The following BCAP29 variants were observed in gnomAD, a reference collection of about 807,000 sequenced individuals.
BCAP29 encodes B cell receptor associated protein 29, also known as B-cell receptor-associated protein 29.
Under a neutral mutation model 31.8 loss-of-function variants are expected in BCAP29, and 34 were observed. That is an observed-to-expected ratio of 1.07 (90% confidence interval 0.81 to 1.42). The LOEUF is 1.42. Ranked by LOEUF, BCAP29 falls within the 40% of genes most tolerant of loss-of-function variation. The probability of loss-of-function intolerance (pLI) is 0.00; values close to 1 mark genes in which losing one functional copy is unlikely to be tolerated. For missense variants in BCAP29, 314 were observed against 269.2 expected (o/e 1.17, Z -1.16); for synonymous variants, 104 against 91.3 (o/e 1.14, Z -0.79).
chr7:107,580,502 C>T, intron 1 of BCAP29: 1 of 393,552 alleles, frequency 2.5e-6, no homozygotes, highest in Non-Finnish European at 4.5e-6. Context: ...AGGCGTTGGG[C>T]TTCTGTCGCC....
Position 107,585,200 on chromosome 7 carries a change from T to C in BCAP29, c.193+1218T>C, listed in dbSNP as rs904889838. Among the ~76,000 whole-genome samples the C allele has an allele frequency of 5.3e-5, 8 of 152,338 alleles. No homozygotes were observed. In the South Asian group the frequency reaches 6.2e-4, roughly 12 times the overall value. On this transcript the variant is annotated intron_variant, in intron 3 of 7. Coordinates refer to ENST00000005259, the MANE Select transcript of BCAP29 (RefSeq NM_018844.4). ...TTAAATAGGATTTAGAGAGGCGAAC[T>C]TGGGACCCTAACCGCCATCTTTGAC...
Position 107,580,815 on chromosome 7 carries a change from G to A in BCAP29, c.43G>A (p.Glu15Lys). 3.1e-6 allele frequency: 5 copies of A among 1,591,390 alleles called. No homozygotes were observed. Among genetic ancestry groups the A allele is most frequent in the Non-Finnish European group, 4.3e-6 (5 of 1,170,728 alleles). ...WAAVATFLYAEIGLILIFCLP... is the reference protein window; with the variant it reads ...WAAVATFLYAKIGLILIFCLP... ...TGCAGTGGCAACCTTTCTTTATGCC[G>A]AAATAGGACTCATTTTAATCTTCTG... The change falls in exon 2 of 8, where the codon GAA becomes AAA. Residue 15 changes from glutamate to lysine, a missense_variant. Transcript: ENST00000005259.
At chr7:107,593,867 T>G in intron 3 of BCAP29, 88 bp from the exon 4 acceptor site, 3 of 1,313,864 alleles carry the variant, frequency 2.3e-6, no homozygotes, top group Non-Finnish European at 3.1e-6. Flanking sequence ...TTTAAAAGTT[T>G]GGTCAGTTTT....
At chr7:107,612,391 T>TTATTTATATATATA (rs1813288491) in intron 6 of BCAP29, among the ~76,000 whole-genome samples, 1 of 30,878 alleles carries the variant, frequency 3.2e-5, no homozygotes, top group African/African-American at 1.3e-4. Context: ...ATGTATTGTT[T>TTATTTATATATATA]TATATATATA....
At chr7:107,604,461 T>C (rs2129269318) in intron 6 of BCAP29, among the ~76,000 whole-genome samples, 1 of 152,246 alleles carries the variant, frequency 6.6e-6, no homozygotes, top group South Asian at 2.1e-4. Flanking sequence ...TGTATACAAG[T>C]TTAAAACCAT....
rs1441490590 is a variant in BCAP29, at chr7:107,619,881, C to T, written c.*1518C>T. On this transcript the variant is annotated 3_prime_UTR_variant, in exon 8 of 8. Transcript: ENST00000005259. ...AGAAAATGCACAGCTTTAAAATGGGCAGAGTTAAAATCTATTCCCAGCTTT... is the reference window on the plus strand; with the variant it reads ...AGAAAATGCACAGCTTTAAAATGGGTAGAGTTAAAATCTATTCCCAGCTTT... 1 of 152,134 alleles carries T rather than the reference C, an allele frequency of 6.6e-6. No individual in the cohort carries two copies. The highest frequency in any genetic ancestry group is 1.9e-4 in the East Asian group (1 of 5,192). The allele number at this position is 152,134 out of a possible 1,614,324, so 9.4% of individuals were successfully genotyped here. A position where few individuals can be genotyped will look rare whatever the true frequency, so the allele number is the denominator to read the frequency against.
chr7:107,588,283 A>G (rs1808073104), intron 3 of BCAP29, among the ~76,000 whole-genome samples: 1 of 152,088 alleles, frequency 6.6e-6, no homozygotes, highest in Non-Finnish European at 1.5e-5. Context: ...AGAGTGATTT[A>G]TTTGGGTTTT....
chr7:107,622,577 C>G (rs1457726506), downstream of BCAP29: 1 of 152,392 alleles, frequency 6.6e-6, no homozygotes, highest in Admixed American at 6.5e-5. Flanking sequence ...ATAGCACTTA[C>G]TACCATCTGA....
At chr7:107,601,747 C>A (rs554043779) in intron 6 of BCAP29, among the ~76,000 whole-genome samples, 1 of 152,196 alleles carries the variant, frequency 6.6e-6, no homozygotes, top group African/African-American at 2.4e-5. Flanking sequence ...ATATTGCTAC[C>A]AATTCTTTTG....
intron 5 of BCAP29, among the ~76,000 whole-genome samples, chr7:107,597,933 C>G (rs977192165): frequency 6.6e-6 from 1 of 151,958 alleles, no homozygotes; most frequent in Non-Finnish European, 1.5e-5. Flanking sequence ...TTTTTTCCAG[C>G]CACGTAACTT....
At chr7:107,594,627 G>T (rs1230154241) in intron 4 of BCAP29, among the ~76,000 whole-genome samples, 2 of 152,008 alleles carry the variant, frequency 1.3e-5, no homozygotes, top group African/African-American at 4.8e-5. Flanking sequence ...TCAGCCTCCT[G>T]AGTAGCTGGG....
At chr7:107,605,410 C>A (rs1811909582) in intron 6 of BCAP29, among the ~76,000 whole-genome samples, 1 of 152,116 alleles carries the variant, frequency 6.6e-6, no homozygotes, top group African/African-American at 2.4e-5. Context: ...TCATTTCCTC[C>A]CCAGTGTGAA....
intron 2 of BCAP29, 25 bp downstream of exon 2, chr7:107,580,889 TAATA>T (rs752042794): frequency 6.7e-7 from 1 of 1,495,424 alleles, no homozygotes; most frequent in East Asian, 2.4e-5. Context: ...AATCGTTAAC[TAATA>T]AATATTGGAT....
intron 6 of BCAP29, among the ~76,000 whole-genome samples, chr7:107,611,448 T>C (rs533439725): frequency 3.2e-4 from 49 of 151,858 alleles, no homozygotes; most frequent in Non-Finnish European, 5.9e-4. Flanking sequence ...AGATGTTGTC[T>C]CAAAAAAAAA....
In BCAP29 at chr7:107,595,742, T is replaced by G. The variant is rs1448138391; in HGVS notation, c.345-125T>G. 3 of 996,870 alleles carry G rather than the reference T, an allele frequency of 3.0e-6. No homozygotes were observed. In the East Asian group the frequency reaches 8.6e-5, roughly 29 times the overall value. 61.8% of individuals were successfully genotyped at this position (996,870 alleles called of 1,614,324 possible). A position where few individuals can be genotyped will look rare whatever the true frequency, so the allele number is the denominator to read the frequency against. ...CTTGAATTAAAAAAAGAATAATGGG[T>G]TCTGCCTAAACATTATCTGCCACCA... On this transcript the variant is annotated intron_variant, in intron 4 of 7. Transcript: ENST00000005259.
intron 6 of BCAP29, among the ~76,000 whole-genome samples, chr7:107,604,571 G>A (rs1010826768): frequency 6.6e-5 from 10 of 152,018 alleles, no homozygotes; most frequent in African/African-American, 2.4e-4. Context: ...TTGTGGACGT[G>A]AACTTAGTTA....
At chr7:107,594,302 C>T in intron 4 of BCAP29, 197 bp downstream of exon 4, 1 of 545,462 alleles carries the variant, frequency 1.8e-6, no homozygotes, top group Non-Finnish European at 3.2e-6. Flanking sequence ...GATCCTGCCT[C>T]TTCAACCTCT....
chr7:107,590,092 A>C (rs1229375490), intron 3 of BCAP29, among the ~76,000 whole-genome samples: 3 of 152,218 alleles, frequency 2.0e-5, no homozygotes, highest in African/African-American at 7.2e-5. Flanking sequence ...CAATAATGAA[A>C]ATACAATATA....
At chr7:107,605,948 T>A (rs1383016029) in intron 6 of BCAP29, among the ~76,000 whole-genome samples, 3 of 152,224 alleles carry the variant, frequency 2.0e-5, no homozygotes, top group African/African-American at 7.2e-5. Flanking sequence ...AACAAATGAC[T>A]TTTTCCTAGA....
Sources: gnomAD v4.1 joint callset for allele counts (sites outside exome capture counted in the v4.1 genomes callset) on GRCh38, gnomAD v4.1.1 for gene constraint, MANE v1.5 for transcripts, NCBI Gene and HGNC (gene_info 2026-07-23, HGNC 2026-07-21) for gene names.